The following LY86 variants were observed in gnomAD, a reference collection of about 807,000 sequenced individuals.
LY86 encodes the protein MD-1, RP105-associated.
Under a neutral mutation model 17.3 loss-of-function variants are expected in LY86, and 20 were observed. The observed-to-expected ratio is 1.15, with a 90% CI of 0.81 to 1.68. The LOEUF (loss-of-function observed/expected upper bound fraction) is 1.68. LY86 is among the 40% of genes most tolerant of loss of function. The pLI, the probability that LY86 is intolerant of heterozygous loss-of-function variation, is 0.00. For synonymous variants in LY86, 74 were observed against 70.6 expected, an observed-to-expected ratio of 1.05 and a Z score of -0.24; for missense variants, 200 against 191.9, an observed-to-expected ratio of 1.04 and a Z score of -0.25.
intron 3 of LY86, among the ~76,000 whole-genome samples, chr6:6,648,625 C>T (rs2113164597): frequency 6.6e-6 from 1 of 152,320 alleles, no homozygotes; most frequent in South Asian, 2.1e-4. Flanking sequence ...GAACATGGTG[C>T]CTCCCAGTTC....
chr6:6,612,479 C>G (rs865931970), intron 1 of LY86, among the ~76,000 whole-genome samples: 2 of 151,914 alleles, frequency 1.3e-5, no homozygotes, highest in Non-Finnish European at 2.9e-5. Flanking sequence ...CAATGCAGAC[C>G]CAAAGTGTAA....
At chr6:6,651,004 A>C (rs1762179272) in intron 4 of LY86, among the ~76,000 whole-genome samples, 2 of 152,214 alleles carry the variant, frequency 1.3e-5, no homozygotes, top group Non-Finnish European at 2.9e-5. Flanking sequence ...ATTTCACTTA[A>C]GATAATGACC....
chr6:6,605,944 T>C (rs868572319), intron 1 of LY86, among the ~76,000 whole-genome samples: 1 of 152,186 alleles, frequency 6.6e-6, no homozygotes, highest in African/African-American at 2.4e-5. Flanking sequence ...GTATGGGTTA[T>C]AACTCATAAA....
rs140393918 is a variant in LY86 at position 6,652,389 on chromosome 6, TC to T, written c.406-2153del. ...CCCCATATCCCCTCCTCCAGCTAAA[TC>T]CTCCAGAGATGGGCTCTGGGCTAAT... On this transcript the variant is annotated intron_variant, in intron 4 of 4. Transcript: ENST00000230568. Among the ~76,000 whole-genome samples the T allele has an allele frequency of 4.6e-3, 697 of 152,188 alleles. 6 individuals are homozygous for T. Among genetic ancestry groups the T allele is most frequent in the African/African-American group, 0.016 (666 of 41,534 alleles).
At chr6:6,591,106 A>G (rs1330168605) in intron 1 of LY86, 1 of 153,734 alleles carries the variant, frequency 6.5e-6, no homozygotes, top group Non-Finnish European at 1.5e-5. Flanking sequence ...GGTTTTTCCA[A>G]TTCATCCTTG....
chr6:6,637,750 A>G (rs761333518), intron 3 of LY86, among the ~76,000 whole-genome samples: 1 of 152,150 alleles, frequency 6.6e-6, no homozygotes, highest in Non-Finnish European at 1.5e-5. Flanking sequence ...CTGTTTGTTT[A>G]GCTTTCCAGT....
At chr6:6,593,928 T>C (rs1357876253) in intron 1 of LY86, among the ~76,000 whole-genome samples, 1 of 152,246 alleles carries the variant, frequency 6.6e-6, no homozygotes, top group Non-Finnish European at 1.5e-5. Flanking sequence ...CAATCACAGG[T>C]CAGCCTTCTT....
intron 1 of LY86, among the ~76,000 whole-genome samples, chr6:6,613,289 C>T (rs930081752): frequency 7.2e-5 from 11 of 152,262 alleles, no homozygotes; most frequent in Non-Finnish European, 1.3e-4. Context: ...CTCCTCAGCC[C>T]TTGTGCAGTC....
chr6:6,629,106 G>C (rs549547299), intron 3 of LY86, among the ~76,000 whole-genome samples: 1 of 152,236 alleles, frequency 6.6e-6, no homozygotes, highest in Non-Finnish European at 1.5e-5. Flanking sequence ...AGGTTGGACA[G>C]CTCTGCAGCT....
At chr6:6,625,787 A>C (rs1343990381) in intron 2 of LY86, among the ~76,000 whole-genome samples, 4 of 152,218 alleles carry the variant, frequency 2.6e-5, no homozygotes, top group Non-Finnish European at 5.9e-5. Flanking sequence ...GAAAAGAGAA[A>C]TAGAAGAGTG....
chr6:6,616,200 C>G (rs990618929), intron 1 of LY86, among the ~76,000 whole-genome samples: 10 of 152,344 alleles, frequency 6.6e-5, no homozygotes, highest in Admixed American at 5.2e-4. Flanking sequence ...CCTGCACAAT[C>G]TCAGTGAAGA....
chr6:6,640,891 A>T (rs1762030890), intron 3 of LY86, among the ~76,000 whole-genome samples: 1 of 152,234 alleles, frequency 6.6e-6, no homozygotes, highest in Admixed American at 6.5e-5. Flanking sequence ...TGTAAATAAC[A>T]TTAAATTTCT....
At chr6:6,613,186 A>G (rs1581241809) in intron 1 of LY86, among the ~76,000 whole-genome samples, 1 of 152,204 alleles carries the variant, frequency 6.6e-6, no homozygotes. Context: ...CCAAGTTCCC[A>G]CCAGACTCAG....
chr6:6,654,711 A>G lies in LY86; in HGVS notation c.*84A>G. On this transcript the variant is annotated 3_prime_UTR_variant, in exon 5 of 5. Coordinates refer to ENST00000230568, the MANE Select transcript of LY86 (RefSeq NM_004271.4). ...TGACTGAACCTACTGTGGGAGGAGA[A>G]GCAGCTGATGACAGAGAGAGGCTCT... is the stretch of plus-strand genomic sequence containing the variant. 1 of 1,180,300 alleles carries G rather than the reference A, an allele frequency of 8.5e-7. No individual in the cohort carries two copies. Among genetic ancestry groups the G allele is most frequent in the Non-Finnish European group, 1.3e-6 (1 of 795,602 alleles). 73.1% of individuals were successfully genotyped at this position (1,180,300 alleles called of 1,614,324 possible). A position where few individuals can be genotyped will look rare whatever the true frequency, so the allele number is the denominator to read the frequency against.
intron 3 of LY86, among the ~76,000 whole-genome samples, chr6:6,644,540 C>T (rs1339631637): frequency 2.0e-5 from 3 of 151,888 alleles, no homozygotes; most frequent in Non-Finnish European, 2.9e-5. Context: ...CACAGGCCCT[C>T]GTATCAAGTT....
At chr6:6,594,702 T>A (rs552502670) in intron 1 of LY86, among the ~76,000 whole-genome samples, 8 of 152,176 alleles carry the variant, frequency 5.3e-5, no homozygotes, top group African/African-American at 1.9e-4. Flanking sequence ...ATTTATAAGA[T>A]CCTTTTCAGA....
Position 6,612,334 on chromosome 6 carries a change from G to A in LY86, c.137-12592G>A, listed in dbSNP as rs555314888. On this transcript the variant is annotated intron_variant, in intron 1 of 4. Transcript: ENST00000230568. ...TTCAGGCGTGAAACTGCAGACCCTC[G>A]CAGTAAGCATTACACTTCTTAAGGT... Among the ~76,000 whole-genome samples, 42 of 152,254 alleles carry A rather than the reference G, an allele frequency of 2.8e-4. No individual in the cohort carries two copies. The South Asian group carries it at 5.4e-3, about 20-fold the overall frequency.
chr6:6,632,840 C>T (rs1209029831), intron 3 of LY86, among the ~76,000 whole-genome samples: 1 of 152,204 alleles, frequency 6.6e-6, no homozygotes, highest in Non-Finnish European at 1.5e-5. Context: ...AAAGTGTGAT[C>T]TGTCACCCTA....
rs537502025 is a variant in LY86 at position 6,628,019 on chromosome 6, T to C, written c.352+1598T>C. Among the ~76,000 whole-genome samples the C allele has an allele frequency of 9.4e-4, 142 of 151,628 alleles. 1 individual carries two copies. The highest frequency in any genetic ancestry group is 3.3e-3 in the African/African-American group (135 of 41,126). ...AAATCTTTCTGCCCAGTGATCTGAC[T>C]TTGTTTCAAATTGGGACTTTTTTTT... On this transcript the variant is annotated intron_variant, in intron 3 of 4. Transcript: ENST00000230568.
Sources: gnomAD v4.1 joint callset for allele counts (sites outside exome capture counted in the v4.1 genomes callset) on GRCh38, gnomAD v4.1.1 for gene constraint, MANE v1.5 for transcripts, NCBI Gene and HGNC (gene_info 2026-07-23, HGNC 2026-07-21) for gene names.